KIF26B: variants seen among roughly 807,000 people sequenced by gnomAD.
KIF26B encodes kinesin family member 26B.
Under a neutral mutation model 151.2 loss-of-function variants are expected in KIF26B, and 63 were observed. The ratio of observed to expected loss-of-function variants is 0.42; its 90% CI spans 0.34 to 0.51. The LOEUF (loss-of-function observed/expected upper bound fraction) is 0.51, where lower values mean the gene tolerates loss of function less well. KIF26B is among the 20% of genes least tolerant of loss of function. The pLI is 0.07. For missense variants in KIF26B, 2,813 were observed against 2,913.6 expected, an observed-to-expected ratio of 0.97 and a Z score of 0.79; for synonymous variants, 1,357 against 1,262.1, an observed-to-expected ratio of 1.08 and a Z score of -1.59.
chr1:245,354,921 A>AT (rs1413412048), intron 2 of KIF26B, among the ~76,000 whole-genome samples: 9 of 151,896 alleles, frequency 5.9e-5, no homozygotes, highest in South Asian at 2.1e-4. Context: ...ATTTTATTTT[A>AT]TTTATTTATT....
intron 2 of KIF26B, among the ~76,000 whole-genome samples, chr1:245,360,336 C>T (rs1300858457): frequency 6.6e-6 from 1 of 152,158 alleles, no homozygotes; most frequent in Admixed American, 6.5e-5. Context: ...CTCATCCCAA[C>T]ATTATATGAA....
intron 5 of KIF26B, among the ~76,000 whole-genome samples, chr1:245,573,133 A>G (rs1329723546): frequency 6.6e-6 from 1 of 152,224 alleles, no homozygotes; most frequent in Non-Finnish European, 1.5e-5. Context: ...TGTCCCCAAG[A>G]GGGTTACACA....
Position 245,337,370 on chromosome 1 carries a change from C to T in KIF26B, c.466-29464C>T, listed in dbSNP as rs530199866. On this transcript the variant is annotated intron_variant, in intron 2 of 14. Transcript: ENST00000407071. ...TATTTTAAGTAGGGGTGGCGGGGGT[C>T]GGGGGTTCACCACATTGGCCAGGCT... 1.7e-3 allele frequency among the ~76,000 whole-genome samples: 260 copies of T among 151,760 alleles called. 1 individual carries two copies. Among genetic ancestry groups the T allele is most frequent in the African/African-American group, 5.8e-3 (239 of 41,368 alleles).
chr1:245,443,810 C>T (rs55744246), intron 4 of KIF26B, among the ~76,000 whole-genome samples: 4 of 65,726 alleles, frequency 6.1e-5, no homozygotes, highest in Non-Finnish European at 9.3e-5. Flanking sequence ...GTTCACCCTG[C>T]GGTCATCTCC....
intron 2 of KIF26B, among the ~76,000 whole-genome samples, chr1:245,187,788 T>G (rs1340145963): frequency 6.6e-6 from 1 of 152,170 alleles, no homozygotes; most frequent in African/African-American, 2.4e-5. Context: ...AAAGAGTTAT[T>G]AGAACATTTA....
chr1:245,335,141 G>A (rs1672195243), intron 2 of KIF26B, among the ~76,000 whole-genome samples: 1 of 152,150 alleles, frequency 6.6e-6, no homozygotes, highest in African/African-American at 2.4e-5. Flanking sequence ...CTGTCTGTCT[G>A]CTCTCTGGAT....
At chr1:245,665,181 T>G (rs2044199543) in intron 10 of KIF26B, among the ~76,000 whole-genome samples, 1 of 152,230 alleles carries the variant, frequency 6.6e-6, no homozygotes, top group African/African-American at 2.4e-5. Context: ...CAGGGTCCCC[T>G]GTTTGCAAAT....
chr1:245,540,865 G>A lies in KIF26B; in HGVS notation c.1265G>A (p.Gly422Glu). The change falls in exon 5 of 15, where the codon GGG (glycine) becomes GAG (glutamate). Residue 422 changes from glycine to glutamate, a missense_variant. Physicochemically the swap from Gly to Glu is moderately conservative, Grantham distance 98. Around this residue, in one of 3 missense-constraint regions of KIF26B, gnomAD observed 676 missense variants for 688.1 expected, o/e 0.98. Transcript: ENST00000407071. The surrounding 1 kb of genome is among the most constrained non-coding windows in gnomAD (Gnocchi z 4.6). ...CCGCTCTTTGCAACCAGCTTCAGTG[G>A]GATTCTGCAGACCTCCCCTCCCCCA... is the stretch of plus-strand genomic sequence containing the variant. ...EPPLFATSFS[G>E]ILQTSPPPAP... The A allele has an allele frequency of 1.2e-6, 2 of 1,613,878 alleles. No individual in the cohort carries two copies. Among genetic ancestry groups the A allele is most frequent in the Non-Finnish European group, 1.7e-6 (2 of 1,179,848 alleles).
At chr1:245,308,305 C>A (rs888350838) in intron 2 of KIF26B, among the ~76,000 whole-genome samples, 1 of 152,168 alleles carries the variant, frequency 6.6e-6, no homozygotes, top group Non-Finnish European at 1.5e-5. Flanking sequence ...ACATTTTTTA[C>A]ATGACAAATA....
At chr1:245,480,274 C>G (rs1014713015) in intron 4 of KIF26B, among the ~76,000 whole-genome samples, 1 of 148,386 alleles carries the variant, frequency 6.7e-6, no homozygotes, top group African/African-American at 2.5e-5. Flanking sequence ...GACCCTGTCT[C>G]GGGGGGGAGG....
chr1:245,185,780 T>C (rs1406058477), intron 2 of KIF26B, among the ~76,000 whole-genome samples: 1 of 152,154 alleles, frequency 6.6e-6, no homozygotes, highest in Non-Finnish European at 1.5e-5. Flanking sequence ...AATGCCCCCT[T>C]TGATGAGTCA....
rs1223917675 is a variant in KIF26B at position 245,686,438 on chromosome 1, T to C, written c.3455T>C (p.Val1152Ala). 3 of 1,613,252 alleles carry C rather than the reference T, an allele frequency of 1.9e-6. No homozygotes were observed. The highest frequency in any genetic ancestry group is 2.5e-6 in the Non-Finnish European group (3 of 1,179,892). The change falls in exon 12 of 15, where the codon GTC becomes GCC. Residue 1152 changes from valine (V) to alanine (A), a missense_variant. Physicochemically the swap from Val to Ala is moderately conservative, Grantham distance 64. Transcript: ENST00000407071. This position sits in a 1 kb window ranked among gnomAD's most constrained non-coding sequence, Gnocchi z 5.6. ...AGSEGFPETP[V>A]DDEQQAATPS... is the part of the protein sequence containing the mutation. ...AGCGAAGGGTTCCCGGAAACTCCTG[T>C]CGATGATGAGCAGCAGGCAGCTACT...
intron 4 of KIF26B, among the ~76,000 whole-genome samples, chr1:245,428,650 C>T (rs183716876): frequency 2.6e-3 from 394 of 152,286 alleles, no homozygotes; most frequent in Non-Finnish European, 4.6e-3. Context: ...TGGTGAGCTA[C>T]GCTAAAGAAA....
intron 3 of KIF26B, among the ~76,000 whole-genome samples, chr1:245,415,755 G>A (rs1022414781): frequency 1.3e-5 from 2 of 150,368 alleles, no homozygotes; most frequent in African/African-American, 2.4e-5. Flanking sequence ...ATGTCTGCAC[G>A]TTTCTTAGAG....
intron 2 of KIF26B, chr1:245,353,791 A>C (rs991358350): frequency 6.6e-6 from 1 of 152,516 alleles, no homozygotes; most frequent in Non-Finnish European, 1.5e-5. Context: ...AGACCTTTTC[A>C]CTAAGGATCA....
At position 245,658,593 on chromosome 1, in the gene KIF26B, T is replaced by C. The variant is rs534362604; in HGVS notation, c.2258+12313T>C. Among the ~76,000 whole-genome samples the C allele has an allele frequency of 7.9e-4, 120 of 152,254 alleles. No individual in the cohort carries two copies. In the Middle Eastern group the frequency reaches 0.017, roughly 22 times the overall value. On this transcript the variant is annotated intron_variant, in intron 10 of 14. Coordinates refer to ENST00000407071, the MANE Select transcript of KIF26B (RefSeq NM_018012.4). ...TTTTTGTAGAGACGGGGTTTTACCA[T>C]GTTGCCCAGGCTGGCTTTGAAATCC... is the stretch of plus-strand genomic sequence containing the variant.
chr1:245,512,615 C>T lies in KIF26B; in HGVS notation c.1167-28152C>T, dbSNP rs531859606. On this transcript the variant is annotated intron_variant, in intron 4 of 14. Coordinates refer to ENST00000407071, the MANE Select transcript of KIF26B (RefSeq NM_018012.4). This position sits in a 1 kb window ranked among gnomAD's most constrained non-coding sequence, Gnocchi z 4.3. ...CCAAATGAAATCCCCAAACTCCACT[C>T]GGATTCCTGCTGGCCAAATGCACCT... 2.6e-5 allele frequency among the ~76,000 whole-genome samples: 4 copies of T among 152,284 alleles called. No individual in the cohort carries two copies. The highest frequency in any genetic ancestry group is 7.2e-5 in the African/African-American group (3 of 41,554).
At chr1:245,556,558 C>T (rs753221659) in intron 5 of KIF26B, among the ~76,000 whole-genome samples, 1 of 152,100 alleles carries the variant, frequency 6.6e-6, no homozygotes, top group Non-Finnish European at 1.5e-5. Context: ...CACCACCACG[C>T]CTGGGTAATT....
intron 2 of KIF26B, among the ~76,000 whole-genome samples, chr1:245,157,644 G>C (rs146342366): frequency 6.6e-6 from 1 of 152,214 alleles, no homozygotes; most frequent in Non-Finnish European, 1.5e-5. Flanking sequence ...GCCCACAGAC[G>C]CTGTGAAACT....
Sources: gnomAD v4.1 joint callset for allele counts (sites outside exome capture counted in the v4.1 genomes callset) on GRCh38, gnomAD v4.1.1 for gene constraint, gnomAD v4.1.1 regional missense constraint, Gnocchi (gnomAD v3.1) non-coding constraint, MANE v1.5 for transcripts, NCBI Gene and HGNC (gene_info 2026-07-23, HGNC 2026-07-21) for gene names.